Variants in TBL1XR1 observed in about 807,000 individuals in gnomAD.
TBL1XR1 encodes the protein F-box-like/WD repeat-containing protein TBL1XR1.
TBL1XR1 carries 5 observed loss-of-function variants against 66.9 expected under a neutral mutation model. The ratio of observed to expected loss-of-function variants is 0.07; its 90% CI spans 0.04 to 0.16. The LOEUF (loss-of-function observed/expected upper bound fraction) is 0.16. TBL1XR1 is among the 10% of genes least tolerant of loss of function. The pLI is 1.00. For missense variants in TBL1XR1, 238 were observed against 623.2 expected, an observed-to-expected ratio of 0.38 and a Z score of 6.58; for synonymous variants, 210 against 206.0, an observed-to-expected ratio of 1.02 and a Z score of -0.17.
At chr3:177,172,054 G>A (rs1733583021) in intron 1 of TBL1XR1, among the ~76,000 whole-genome samples, 2 of 151,660 alleles carry the variant, frequency 1.3e-5, no homozygotes, top group Admixed American at 1.3e-4. Flanking sequence ...TAGGTCAGGA[G>A]ATTGAGACCA....
At chr3:177,152,213 G>A (rs563740313) in intron 1 of TBL1XR1, among the ~76,000 whole-genome samples, 22 of 152,078 alleles carry the variant, frequency 1.4e-4, no homozygotes, top group East Asian at 3.9e-4. Context: ...TTCAGTCCAC[G>A]GAACCTTTTA....
At position 177,068,830 on chromosome 3, in the gene TBL1XR1, T is replaced by C. The variant is rs182258752; in HGVS notation, c.-45-3808A>G. Among the ~76,000 whole-genome samples, 204 of 152,342 alleles carry C rather than the reference T, an allele frequency of 1.3e-3. 1 individual carries two copies. Among genetic ancestry groups the C allele is most frequent in the Middle Eastern group, 0.01 (3 of 294 alleles). ...ATGGACACAAAGAAAGAAATAAGAT[T>C]ATCTTCTTAAATCTCCTAGCTATAG... On this transcript the variant is annotated intron_variant, in intron 2 of 15. Coordinates refer to ENST00000457928, the MANE Select transcript of TBL1XR1 (RefSeq NM_024665.7).
Position 177,197,184 on chromosome 3 carries a change from C to A in TBL1XR1, c.-185G>T. 6.5e-6 allele frequency: 1 copy of A among 154,152 alleles called. No homozygotes were observed. Among genetic ancestry groups the A allele is most frequent in the South Asian group, 1.8e-4 (1 of 5,568 alleles). The allele number at this position is 154,152 out of a possible 1,614,324, so 9.5% of individuals were successfully genotyped here. On this transcript the variant is annotated 5_prime_UTR_variant, in exon 1 of 16. In the 5' UTR this introduces an upstream ATG that the reference lacks. Coordinates refer to ENST00000457928, the MANE Select transcript of TBL1XR1 (RefSeq NM_024665.7). ...GGAATGGAGGCACAAGGAAATTCCCCTCCTCGCCGCCGCCGCCACCGCCTC... is the reference window on the plus strand; with the variant it reads ...GGAATGGAGGCACAAGGAAATTCCCATCCTCGCCGCCGCCGCCACCGCCTC...
At position 177,021,383 on chromosome 3, in the gene TBL1XR1, A is replaced by T. The variant is rs145085702; in HGVS notation, c.*4115T>A. ...TGAAACAGCTTACAAAAAAAAAAAAAATATATGCCCTAGTTATTCACCCTG... is the reference window on the plus strand; with the variant it reads ...TGAAACAGCTTACAAAAAAAAAAAATATATATGCCCTAGTTATTCACCCTG... On this transcript the variant is annotated 3_prime_UTR_variant, in exon 16 of 16. Transcript: ENST00000457928. The T allele has an allele frequency of 0.024, 3,608 of 152,472 alleles. 59 individuals carry two copies. The highest frequency in any genetic ancestry group is 0.031 in the African/African-American group (1,266 of 41,488). 9.4% of individuals were successfully genotyped at this position (152,472 alleles called of 1,614,324 possible).
At chr3:177,139,465 G>A (rs1729376479) in intron 1 of TBL1XR1, among the ~76,000 whole-genome samples, 1 of 151,796 alleles carries the variant, frequency 6.6e-6, no homozygotes, top group African/African-American at 2.4e-5. Flanking sequence ...AACTCAGGAA[G>A]TAGAGGTTGC....
chr3:177,096,330 A>ACACACAC (rs1416701944), intron 2 of TBL1XR1, among the ~76,000 whole-genome samples: 1 of 136,962 alleles, frequency 7.3e-6, no homozygotes, highest in Non-Finnish European at 1.6e-5. Context: ...ACTAACATAC[A>ACACACAC]TACATACACA....
intron 1 of TBL1XR1, among the ~76,000 whole-genome samples, chr3:177,160,446 C>T (rs6791257): frequency 0.6 from 90,669 of 149,986 alleles, 27,700 homozygotes; most frequent in East Asian, 0.75. Flanking sequence ...TGCACTCCAG[C>T]CTGGGCGACA....
At chr3:177,201,236 C>A (rs1737333808), upstream of TBL1XR1, among the ~76,000 whole-genome samples, 1 of 151,716 alleles carries the variant, frequency 6.6e-6, no homozygotes, top group Non-Finnish European at 1.5e-5. Flanking sequence ...CATGGTGAAA[C>A]CCCGTCTCTA....
At chr3:177,169,920 T>A (rs1560256314) in intron 1 of TBL1XR1, among the ~76,000 whole-genome samples, 1 of 152,140 alleles carries the variant, frequency 6.6e-6, no homozygotes, top group Non-Finnish European at 1.5e-5. Context: ...CAGCATCACC[T>A]GGGAAACTGC....
At chr3:177,042,199 T>A (rs1204258993) in intron 10 of TBL1XR1, among the ~76,000 whole-genome samples, 2 of 152,172 alleles carry the variant, frequency 1.3e-5, no homozygotes, top group Non-Finnish European at 2.9e-5. Flanking sequence ...AAATTTTAAT[T>A]TTTTTGGTTA....
intron 1 of TBL1XR1, among the ~76,000 whole-genome samples, chr3:177,122,481 T>C (rs137882708): frequency 2.5e-3 from 381 of 152,238 alleles, no homozygotes; most frequent in African/African-American, 8.7e-3. Context: ...GATCTGCCTC[T>C]AACACAGATG....
intron 2 of TBL1XR1, among the ~76,000 whole-genome samples, chr3:177,070,417 A>G (rs1031066753): frequency 6.6e-6 from 1 of 152,256 alleles, no homozygotes; most frequent in African/African-American, 2.4e-5. Flanking sequence ...ACAAAGAAGG[A>G]CAAGAAATGA....
intron 12 of TBL1XR1, 72 bp from the exon 13 acceptor site, chr3:177,034,397 C>T (rs1412522218): frequency 8.9e-7 from 1 of 1,128,394 alleles, no homozygotes; most frequent in African/African-American, 1.6e-5. Flanking sequence ...TATTTTGACA[C>T]TTAAAATATT....
intron 1 of TBL1XR1, among the ~76,000 whole-genome samples, chr3:177,117,924 A>C (rs893189252): frequency 2.6e-5 from 4 of 152,180 alleles, no homozygotes; most frequent in Non-Finnish European, 5.9e-5. Flanking sequence ...TCAATTTGCT[A>C]TTTTTATACT....
At chr3:177,076,138 G>A (rs1222278109) in intron 2 of TBL1XR1, among the ~76,000 whole-genome samples, 1 of 152,130 alleles carries the variant, frequency 6.6e-6, no homozygotes, top group Non-Finnish European at 1.5e-5. Context: ...ACTGTTTAAG[G>A]AGCCTGGGGG....
chr3:177,042,840 G>GCC (rs1203729480), intron 10 of TBL1XR1, among the ~76,000 whole-genome samples: 1 of 151,860 alleles, frequency 6.6e-6, no homozygotes, highest in East Asian at 1.9e-4. Context: ...AACCCATGTA[G>GCC]CCTCCATAAT....
chr3:177,115,908 GCCATATTGAT>G (rs1381546194), intron 1 of TBL1XR1, among the ~76,000 whole-genome samples: 5 of 152,288 alleles, frequency 3.3e-5, no homozygotes, highest in African/African-American at 1.2e-4. Flanking sequence ...GCCAGAGGCA[GCCATATTGAT>G]CAGTTCTGGC....
intron 1 of TBL1XR1, among the ~76,000 whole-genome samples, chr3:177,164,772 T>G (rs1438424253): frequency 6.6e-6 from 1 of 152,124 alleles, no homozygotes; most frequent in African/African-American, 2.4e-5. Context: ...ATCTGCAGAG[T>G]CAATGAAATC....
At chr3:177,147,530 G>T (rs867746972) in intron 1 of TBL1XR1, among the ~76,000 whole-genome samples, 1 of 152,084 alleles carries the variant, frequency 6.6e-6, no homozygotes, top group African/African-American at 2.4e-5. Flanking sequence ...ACTCTGAAAG[G>T]GTCTTGGGTT....
Sources: allele counts gnomAD v4.1 joint callset (sites outside exome capture counted in the v4.1 genomes callset), GRCh38; gene constraint gnomAD v4.1.1; transcripts MANE v1.5; gene names NCBI Gene and HGNC (gene_info 2026-07-23, HGNC 2026-07-21).